The following FKBP5 variants were observed in gnomAD, a reference collection of about 807,000 sequenced individuals.
The protein encoded by FKBP5 is peptidyl-prolyl cis-trans isomerase FKBP5.
Under a neutral mutation model 50.5 loss-of-function variants are expected in FKBP5, and 23 were observed. The ratio of observed to expected loss-of-function variants is 0.46; its 90% CI spans 0.33 to 0.65. The LOEUF (loss-of-function observed/expected upper bound fraction) is 0.65, where lower values mean the gene tolerates loss of function less well. Among genes scored for constraint, FKBP5 ranks in the 30% least tolerant of loss-of-function variants. FKBP5 has a pLI of 0.02. For missense variants in FKBP5, 411 were observed against 553.1 expected, an observed-to-expected ratio of 0.74 and a Z score of 2.58; for synonymous variants, 176 against 190.6, an observed-to-expected ratio of 0.92 and a Z score of 0.63.
chr6:35,686,997 T>C (rs1455470857), intron 1 of FKBP5, among the ~76,000 whole-genome samples: 2 of 152,222 alleles, frequency 1.3e-5, no homozygotes, highest in African/African-American at 4.8e-5. Context: ...GTCACAATTA[T>C]TGGTTGAAGA....
At chr6:35,602,071 T>C (rs1284523816) in intron 5 of FKBP5, among the ~76,000 whole-genome samples, 1 of 152,102 alleles carries the variant, frequency 6.6e-6, no homozygotes, top group East Asian at 1.9e-4. Context: ...CAATTTTGTT[T>C]TGAAGAGCAC....
chr6:35,627,256 C>T (rs1241374318), intron 3 of FKBP5, among the ~76,000 whole-genome samples: 2 of 152,076 alleles, frequency 1.3e-5, no homozygotes, highest in African/African-American at 2.4e-5. Context: ...TTTTCATATG[C>T]TTGTTGTCCA....
At chr6:35,580,526 CTTTTTTTTTTTTTTTTT>C (rs34594222) in intron 8 of FKBP5, 8 of 54,624 alleles carry the variant, frequency 1.5e-4, no homozygotes, top group African/African-American at 4.9e-4. Flanking sequence ...ATTCTTTAGT[CTTTTTTTTTTTTTTTTT>C]TTTTTTTTTT....
intron 3 of FKBP5, among the ~76,000 whole-genome samples, chr6:35,625,769 T>C (rs1346607822): frequency 1.4e-5 from 2 of 141,122 alleles, no homozygotes; most frequent in Non-Finnish European, 3.1e-5. Context: ...ATAATGTCAA[T>C]TTATTTATTT....
In FKBP5 at chr6:35,580,038, T is replaced by TG; in HGVS notation, c.1023dup (p.Lys342GlnfsTer10). 1.2e-6 allele frequency: 2 copies of TG among 1,612,990 alleles called. No individual in the cohort carries two copies. Among genetic ancestry groups the TG allele is most frequent in the East Asian group, 4.5e-5 (2 of 44,872 alleles). ...TCTCACAGGAGACACGATGTTACCT[T>TG]GTCACAGCATTCAACAGCTTTGGTG... is the stretch of plus-strand genomic sequence containing the variant. On this transcript the variant is annotated frameshift_variant, in exon 9 of 11. Coordinates refer to ENST00000357266, the MANE Select transcript of FKBP5 (RefSeq NM_004117.4). LOFTEE classifies it high-confidence loss of function.
At chr6:35,677,950 T>C (rs1379820696) in intron 1 of FKBP5, among the ~76,000 whole-genome samples, 1 of 152,130 alleles carries the variant, frequency 6.6e-6, no homozygotes, top group Non-Finnish European at 1.5e-5. Context: ...CACTGAGGCC[T>C]TCTCTGGAAG....
chr6:35,720,987 A>G (rs768547715), intron 1 of FKBP5, among the ~76,000 whole-genome samples: 8 of 152,178 alleles, frequency 5.3e-5, no homozygotes, highest in Non-Finnish European at 1.0e-4. Context: ...CTGGTAGTAC[A>G]TGAAAAAGGC....
At chr6:35,623,315 A>ATG (rs1763904399) in intron 3 of FKBP5, among the ~76,000 whole-genome samples, 1 of 152,246 alleles carries the variant, frequency 6.6e-6, no homozygotes, top group Non-Finnish European at 1.5e-5. Context: ...GGCACATAAT[A>ATG]TGTATTTGAT....
chr6:35,582,018 C>T (rs549294960), intron 8 of FKBP5: 23 of 985,506 alleles, frequency 2.3e-5, no homozygotes, highest in South Asian at 4.7e-5. Flanking sequence ...ATGTAAGAAA[C>T]GAGCTCTGCC....
chr6:35,651,822 T>C, intron 1 of FKBP5: 1 of 556,122 alleles, frequency 1.8e-6, no homozygotes, highest in Non-Finnish European at 2.7e-6. Context: ...AAATACTGTA[T>C]ACTACACTGT....
intron 5 of FKBP5, among the ~76,000 whole-genome samples, chr6:35,609,372 A>T (rs1763424548): frequency 6.6e-6 from 1 of 152,190 alleles, no homozygotes; most frequent in African/African-American, 2.4e-5. Context: ...ACATAGCTAT[A>T]GACAATGATC....
rs958561842 is a variant in FKBP5 at position 35,585,908 on chromosome 6, G to C, written c.840+1126C>G. The C allele has an allele frequency of 2.3e-5, 23 of 984,934 alleles. No homozygotes were observed. The African/African-American group carries it at 3.7e-4, about 16-fold the overall frequency. The allele number at this position is 984,934 out of a possible 1,614,324, so 61.0% of individuals were successfully genotyped here. A position where few individuals can be genotyped will look rare whatever the true frequency, so the allele number is the denominator to read the frequency against. ...TTATATATTCTTACATAATTCTCTA[G>C]TTGTTTCATTTGGATTAACATTGCC... On this transcript the variant is annotated intron_variant, in intron 8 of 10. Coordinates refer to ENST00000357266, the MANE Select transcript of FKBP5 (RefSeq NM_004117.4).
chr6:35,576,297 G>A (rs1481835529), intron 10 of FKBP5, among the ~76,000 whole-genome samples: 2 of 152,012 alleles, frequency 1.3e-5, no homozygotes, highest in East Asian at 3.9e-4. Flanking sequence ...GTGATGATGG[G>A]GCTCCTATAA....
At chr6:35,683,030 C>G (rs1011779164) in intron 1 of FKBP5, among the ~76,000 whole-genome samples, 2 of 150,056 alleles carry the variant, frequency 1.3e-5, no homozygotes, top group Admixed American at 1.3e-4. Flanking sequence ...ATATATGTCT[C>G]TTCCAATCTT....
intron 3 of FKBP5, among the ~76,000 whole-genome samples, chr6:35,623,013 C>T (rs557426487): frequency 1.3e-5 from 2 of 152,316 alleles, no homozygotes; most frequent in Middle Eastern, 3.4e-3. Context: ...GAGGCTGAGG[C>T]GGGCGGATCA....
intron 1 of FKBP5, among the ~76,000 whole-genome samples, chr6:35,666,814 G>C (rs115904407): frequency 0.017 from 2,583 of 152,116 alleles, 65 homozygotes; most frequent in African/African-American, 0.059. Context: ...CCTTGAACTC[G>C]GGAGGTTGCA....
At chr6:35,650,617 G>A (rs1004459067) in intron 1 of FKBP5, among the ~76,000 whole-genome samples, 1 of 151,926 alleles carries the variant, frequency 6.6e-6, no homozygotes, top group Non-Finnish European at 1.5e-5. Context: ...GGGATTACAG[G>A]TGTGCGCCAC....
rs181182509 is a variant in FKBP5, at chr6:35,671,603, A to T, written c.-20+17201T>A. On this transcript the variant is annotated intron_variant, in intron 1 of 10. Transcript: ENST00000357266. The stretch of plus-strand genomic sequence containing the variant: ...CTCAAGGTATCAGAATTGCAGGGTA[A>T]ATACCTAAAGAAGTTAAATTACAAA... 8.3e-4 allele frequency among the ~76,000 whole-genome samples: 127 copies of T among 152,268 alleles called. 2 individuals carry two copies. The highest frequency in any genetic ancestry group is 3.0e-3 in the African/African-American group (123 of 41,580).
rs1762240629 is a variant in FKBP5 at position 35,576,977 on chromosome 6, T to C, written c.1266+17A>G. 6.2e-7 allele frequency: 1 copy of C among 1,612,474 alleles called. No homozygotes were observed. The highest frequency in any genetic ancestry group is 8.5e-7 in the Non-Finnish European group (1 of 1,179,424). On this transcript the variant is annotated intron_variant, in intron 10 of 10. Coordinates refer to ENST00000357266, the MANE Select transcript of FKBP5 (RefSeq NM_004117.4). Reference sequence around the variant, plus strand: ...CAGGCTCTTGATCCACCTGCAGTCATCAGGCTCTGCACACACCTTGGCATC... The same window carrying C: ...CAGGCTCTTGATCCACCTGCAGTCACCAGGCTCTGCACACACCTTGGCATC...
Sources: gnomAD v4.1 joint callset for allele counts (sites outside exome capture counted in the v4.1 genomes callset) on GRCh38, gnomAD v4.1.1 for gene constraint, MANE v1.5 for transcripts, NCBI Gene and HGNC (gene_info 2026-07-23, HGNC 2026-07-21) for gene names.